Variants in ANKRD44 observed in about 807,000 individuals in gnomAD.
ANKRD44 encodes ankyrin repeat domain 44, also known as serine/threonine-protein phosphatase 6 regulatory ankyrin repeat subunit B.
In ANKRD44, 35 loss-of-function variants were observed where a neutral mutation model predicts 116.0. The ratio of observed to expected loss-of-function variants is 0.30; its 90% CI spans 0.23 to 0.40. ANKRD44 has a LOEUF of 0.40. ANKRD44 is among the 10% of genes least tolerant of loss of function. The probability of loss-of-function intolerance (pLI) is 1.00; values close to 1 mark genes in which losing one functional copy is unlikely to be tolerated. For missense variants in ANKRD44, 1,014 were observed against 1,242.6 expected (o/e 0.82, Z 2.77); for synonymous variants, 435 against 461.8 (o/e 0.94, Z 0.74).
At chr2:197,091,655 A>G (rs2078045723) in intron 10 of ANKRD44, among the ~76,000 whole-genome samples, 1 of 152,226 alleles carries the variant, frequency 6.6e-6, no homozygotes, top group Non-Finnish European at 1.5e-5. Context: ...CACCACGCTC[A>G]GTCCTTGTTT....
At chr2:197,013,200 T>C (rs2076329418) in intron 18 of ANKRD44, among the ~76,000 whole-genome samples, 1 of 152,230 alleles carries the variant, frequency 6.6e-6, no homozygotes, top group African/African-American at 2.4e-5. Flanking sequence ...TTGATGTATT[T>C]TGTTCTATGT....
At chr2:197,146,357 C>A (rs967682197) in intron 3 of ANKRD44, among the ~76,000 whole-genome samples, 7 of 152,110 alleles carry the variant, frequency 4.6e-5, no homozygotes, top group Non-Finnish European at 1.0e-4. Flanking sequence ...TGTTTTTATG[C>A]TTTCATCACA....
At chr2:197,301,917 T>G (rs745320764) in intron 1 of ANKRD44, among the ~76,000 whole-genome samples, 1 of 151,990 alleles carries the variant, frequency 6.6e-6, no homozygotes, top group Non-Finnish European at 1.5e-5. Flanking sequence ...TGGAGGAAAA[T>G]AAAGAAAGGC....
At chr2:197,110,698 G>A in intron 9 of ANKRD44, 68 bp downstream of exon 9, 2 of 1,320,942 alleles carry the variant, frequency 1.5e-6, no homozygotes, top group Non-Finnish European at 2.2e-6. Flanking sequence ...TCATATGCAG[G>A]TGACTGACAG....
chr2:197,277,825 T>C (rs1378051009), intron 1 of ANKRD44, among the ~76,000 whole-genome samples: 1 of 152,148 alleles, frequency 6.6e-6, no homozygotes, highest in Non-Finnish European at 1.5e-5. Flanking sequence ...GAAATTATCA[T>C]AATTAGAAGG....
In ANKRD44 at chr2:197,278,395, C is replaced by T. The variant is rs140899902; in HGVS notation, c.27+32183G>A. Among the ~76,000 whole-genome samples, 1,411 of 152,070 alleles carry T rather than the reference C, an allele frequency of 9.3e-3. 13 individuals are homozygous for T. The highest frequency in any genetic ancestry group is 0.037 in the Middle Eastern group (11 of 294). ...TTGTTTTGACAGAGTCTTGCTCTGT[C>T]GCCCAGGCTGGAGTGCAGTGGTGTG... On this transcript the variant is annotated intron_variant, in intron 1 of 27. Coordinates refer to ENST00000282272, the MANE Select transcript of ANKRD44 (RefSeq NM_001195144.2).
chr2:197,043,068 T>C (rs2076940537), intron 16 of ANKRD44, among the ~76,000 whole-genome samples: 1 of 152,200 alleles, frequency 6.6e-6, no homozygotes, highest in African/African-American at 2.4e-5. Flanking sequence ...GGATATTTAA[T>C]TTAGTAATAT....
At chr2:197,015,409 G>C (rs971652765) in intron 17 of ANKRD44, 2 of 573,824 alleles carry the variant, frequency 3.5e-6, no homozygotes, top group Non-Finnish European at 6.2e-6. Context: ...AACTTTTGAT[G>C]ATCATGCTAC....
chr2:197,229,746 T>C (rs1469316369), intron 1 of ANKRD44, among the ~76,000 whole-genome samples: 2 of 152,136 alleles, frequency 1.3e-5, no homozygotes, highest in Admixed American at 1.3e-4. Context: ...TAAGTAACTT[T>C]CCCCAAAGTC....
intron 3 of ANKRD44, among the ~76,000 whole-genome samples, chr2:197,145,206 G>A (rs576526200): frequency 1.4e-4 from 22 of 152,216 alleles, no homozygotes; most frequent in African/African-American, 2.6e-4. Context: ...CAGAAGAATC[G>A]CTTGAACCCA....
At chr2:197,172,385 C>G (rs1177080689) in intron 2 of ANKRD44, among the ~76,000 whole-genome samples, 1 of 152,138 alleles carries the variant, frequency 6.6e-6, no homozygotes, top group East Asian at 1.9e-4. Context: ...CCACCAAATC[C>G]CCCTACCCAT....
intron 1 of ANKRD44, among the ~76,000 whole-genome samples, chr2:197,218,437 G>A (rs2081500850): frequency 6.6e-6 from 1 of 152,068 alleles, no homozygotes; most frequent in African/African-American, 2.4e-5. Flanking sequence ...AGTGAACATG[G>A]CATTCTGCAG....
intron 1 of ANKRD44, among the ~76,000 whole-genome samples, chr2:197,215,296 T>C (rs2081419774): frequency 6.6e-6 from 1 of 152,264 alleles, no homozygotes; most frequent in African/African-American, 2.4e-5. Flanking sequence ...TCATACTGTT[T>C]ACTGAACAAC....
In ANKRD44 at chr2:197,112,905, T is replaced by G. The variant is rs149523714; in HGVS notation, c.907-2061A>C. On this transcript the variant is annotated intron_variant, in intron 8 of 27. Transcript: ENST00000282272. ...CATTTTATTATATTCTATAAGTCTA[T>G]TCCTTAGAAATAAAAAAGGAATTAC... 1.8e-3 allele frequency among the ~76,000 whole-genome samples: 276 copies of G among 151,986 alleles called. 1 individual carries two copies. The highest frequency in any genetic ancestry group is 6.0e-3 in the African/African-American group (247 of 41,476).
intron 1 of ANKRD44, among the ~76,000 whole-genome samples, chr2:197,275,495 T>C (rs758748502): frequency 7.9e-5 from 12 of 151,718 alleles, no homozygotes; most frequent in Non-Finnish European, 1.3e-4. Flanking sequence ...ATCCATGCCA[T>C]TTACTTCAAG....
chr2:197,086,201 C>G (rs1172125512), intron 13 of ANKRD44, among the ~76,000 whole-genome samples: 2 of 152,002 alleles, frequency 1.3e-5, no homozygotes, highest in African/African-American at 4.8e-5. Flanking sequence ...TACCAGCTAG[C>G]ATCATGGCAT....
chr2:197,143,066 G>A (rs1242974137), intron 3 of ANKRD44, among the ~76,000 whole-genome samples: 6 of 149,006 alleles, frequency 4.0e-5, no homozygotes, highest in African/African-American at 9.8e-5. Flanking sequence ...AAACACTCCC[G>A]CATTAGAGAG....
At chr2:196,970,635 A>G (rs552305379) in intron 21 of ANKRD44, among the ~76,000 whole-genome samples, 2 of 152,280 alleles carry the variant, frequency 1.3e-5, no homozygotes, top group Admixed American at 1.3e-4. Flanking sequence ...TCTTAAAAAA[A>G]TCTTTATTGC....
At chr2:197,116,532 T>C (rs1215735323) in intron 8 of ANKRD44, among the ~76,000 whole-genome samples, 1 of 152,156 alleles carries the variant, frequency 6.6e-6, no homozygotes, top group Non-Finnish European at 1.5e-5. Context: ...GTCTCTTTGA[T>C]GCCCCCATTC....
Sources: gnomAD v4.1 joint callset for allele counts (sites outside exome capture counted in the v4.1 genomes callset) on GRCh38, gnomAD v4.1.1 for gene constraint, MANE v1.5 for transcripts, NCBI Gene and HGNC (gene_info 2026-07-23, HGNC 2026-07-21) for gene names.